The following MAIP1 variants were observed in gnomAD, a reference collection of about 807,000 sequenced individuals.
MAIP1 encodes the protein m-AAA protease-interacting protein 1, mitochondrial.
Under a neutral mutation model 31.2 loss-of-function variants are expected in MAIP1, and 28 were observed. That is an observed-to-expected ratio of 0.90 (90% CI 0.67 to 1.23). MAIP1 has a LOEUF of 1.23. Ranked by LOEUF, MAIP1 falls within the 50% of genes most tolerant of loss-of-function variation. MAIP1 has a pLI of 0.00. For synonymous variants in MAIP1, 142 were observed against 142.3 expected, an observed-to-expected ratio of 1.00 and a Z score of 0.02; for missense variants, 339 against 356.0, an observed-to-expected ratio of 0.95 and a Z score of 0.38.
chr2:199,955,515 C>CT, upstream of MAIP1: 1 of 1,599,878 alleles, frequency 6.3e-7, no homozygotes, highest in Non-Finnish European at 8.5e-7. Flanking sequence ...AACTTCGGCT[C>CT]TAAAGCGTTC....
chr2:199,956,801 CTCCG>C (rs2077608366), intron 1 of MAIP1, among the ~76,000 whole-genome samples: 1 of 152,196 alleles, frequency 6.6e-6, no homozygotes, highest in Non-Finnish European at 1.5e-5. Context: ...CCACCCCATA[CTCCG>C]TAAAGATTAA....
chr2:199,963,879 G>C lies in MAIP1; in HGVS notation c.*68G>C, dbSNP rs564656074. 2.3e-5 allele frequency: 21 copies of C among 910,090 alleles called. No homozygotes were observed. In the African/African-American group the frequency reaches 3.3e-4, roughly 14 times the overall value. 56.4% of individuals were successfully genotyped at this position (910,090 alleles called of 1,614,324 possible). A position where few individuals can be genotyped will look rare whatever the true frequency, so the allele number is the denominator to read the frequency against. On this transcript the variant is annotated 3_prime_UTR_variant, in exon 5 of 5. Coordinates refer to ENST00000392290, the MANE Select transcript of MAIP1 (RefSeq NM_001394955.1). ...GAAAAACTAAGGAAGAAAAATTTTG[G>C]GGTCATTTGATCTTCACTTAATCTA...
Position 199,961,823 on chromosome 2 carries a change from C to T in MAIP1, c.692C>T (p.Thr231Ile), listed in dbSNP as rs776329944. Reference protein sequence around the residue: ...VNILMCFWYLTSANIPSETLR... With the variant: ...VNILMCFWYLISANIPSETLR... ...ATCCTGATGTGCTTTTGGTATCTAA[C>T]CAGTGCCAACATCCCCAGTGAAACT... Residue 231 changes from threonine to isoleucine, a missense_variant, in exon 4 of 5, where the codon ACC becomes ATC. Physicochemically the swap from Thr to Ile is moderately conservative, Grantham distance 89. Coordinates refer to ENST00000392290, the MANE Select transcript of MAIP1 (RefSeq NM_001394955.1). 8.1e-6 allele frequency: 13 copies of T among 1,613,730 alleles called. No individual in the cohort carries two copies. The highest frequency in any genetic ancestry group is 1.7e-6 in the Non-Finnish European group (2 of 1,179,834).
intron 3 of MAIP1, among the ~76,000 whole-genome samples, chr2:199,961,089 T>C (rs2077634164): frequency 6.6e-6 from 1 of 152,196 alleles, no homozygotes; most frequent in African/African-American, 2.4e-5. Flanking sequence ...GTTAAGATAG[T>C]TACTGAGCAG....
At chr2:199,959,391 T>A (rs1559312345) in intron 2 of MAIP1, 52 bp downstream of exon 2, 1 of 972,880 alleles carries the variant, frequency 1.0e-6, no homozygotes, top group Non-Finnish European at 1.7e-6. Context: ...TCTCTTGCAA[T>A]AGAATGATGC....
In MAIP1 at chr2:199,960,780, C is replaced by T. The variant is rs116904529; in HGVS notation, c.649+900C>T. On this transcript the variant is annotated intron_variant, in intron 3 of 4. Coordinates refer to ENST00000392290, the MANE Select transcript of MAIP1 (RefSeq NM_001394955.1). Reference sequence around the variant, plus strand: ...ATCCTCCGTGGATTTTGAGGGATGACTCTATTTGCATATGTATTATGTGCC... The same window carrying T: ...ATCCTCCGTGGATTTTGAGGGATGATTCTATTTGCATATGTATTATGTGCC... Among the ~76,000 whole-genome samples the T allele has an allele frequency of 9.6e-4, 146 of 152,244 alleles. 2 individuals are homozygous for T. In the East Asian group the frequency reaches 0.025, roughly 26 times the overall value.
At chr2:199,959,407 T>C in intron 2 of MAIP1, 68 bp downstream of exon 2, 1 of 910,330 alleles carries the variant, frequency 1.1e-6, no homozygotes, top group South Asian at 1.3e-5. Context: ...GATGCACATT[T>C]TCCTTATTTA....
chr2:199,956,290 T>C, intron 1 of MAIP1, 42 bp downstream of exon 1: 1 of 1,469,636 alleles, frequency 6.8e-7, no homozygotes, highest in Admixed American at 1.8e-5. Context: ...CTCTAATGAG[T>C]TCAACTATTG....
rs934364408 is a variant in MAIP1, at chr2:199,955,678, G to C, written c.-121G>C. 2 of 1,166,760 alleles carry C rather than the reference G, an allele frequency of 1.7e-6. No homozygotes were observed. Among genetic ancestry groups the C allele is most frequent in the Non-Finnish European group, 1.2e-6 (1 of 844,602 alleles). 72.3% of individuals were successfully genotyped at this position (1,166,760 alleles called of 1,614,324 possible). A position where few individuals can be genotyped will look rare whatever the true frequency, so the allele number is the denominator to read the frequency against. ...GAGCGGGGACGGGGCCGACTCACCA[G>C]AGGCTGCAGCAACAGGTCCACTTTG... On this transcript the variant is annotated 5_prime_UTR_variant, in exon 1 of 5. Transcript: ENST00000392290.
Position 199,955,781 on chromosome 2 carries a change from GT to G in MAIP1, c.-17del. On this transcript the variant is annotated 5_prime_UTR_variant, in exon 1 of 5. Transcript: ENST00000392290. ...TTCCATACAGCACCGGCAGGCACCG[GT>G]GTGAAGGGTCATAAAAATGGCGCTG... 6.6e-7 allele frequency: 1 copy of G among 1,514,140 alleles called. No homozygotes were observed. Among genetic ancestry groups the G allele is most frequent in the Non-Finnish European group, 8.8e-7 (1 of 1,133,260 alleles). The allele number at this position is 1,514,140 out of a possible 1,614,324, so 93.8% of individuals were successfully genotyped here. A position where few individuals can be genotyped will look rare whatever the true frequency, so the allele number is the denominator to read the frequency against.
At chr2:199,955,485 G>C (rs1195533335), upstream of MAIP1, 1 of 1,612,842 alleles carries the variant, frequency 6.2e-7, no homozygotes, top group African/African-American at 1.3e-5. Flanking sequence ...GCTCACGCCT[G>C]CCCTCTTCCA....
In MAIP1 at chr2:199,963,784, G is replaced by T. The variant is rs750140964; in HGVS notation, c.849G>T (p.Arg283=). 2.0e-5 allele frequency: 32 copies of T among 1,608,020 alleles called. No individual in the cohort carries two copies. In the East Asian group the frequency reaches 7.1e-4, roughly 36 times the overall value. ...TAAAGCCTGACTGGACCATTGCACGGATTGAACACTCAAAATTATTAGAAT... is the reference window on the plus strand; with the variant it reads ...TAAAGCCTGACTGGACCATTGCACGTATTGAACACTCAAAATTATTAGAAT... ...QGVKPDWTIA[R]IEHSKLLE Residue 283 remains arginine (R), a synonymous_variant, in exon 5 of 5, where the codon CGG becomes CGT. Transcript: ENST00000392290.
intron 2 of MAIP1, 38 bp from the exon 3 acceptor site, chr2:199,959,716 G>T (rs2077626121): frequency 7.0e-6 from 11 of 1,561,878 alleles, no homozygotes; most frequent in African/African-American, 1.4e-5. Context: ...TTCAAAAATT[G>T]TATCAGTGAA....
In MAIP1 at chr2:199,956,109, A is replaced by C. The variant is rs769081538; in HGVS notation, c.311A>C (p.Gln104Pro). The C allele has an allele frequency of 2.5e-6, 4 of 1,614,236 alleles. No homozygotes were observed. In the African/African-American group the frequency reaches 5.3e-5, roughly 22 times the overall value. The stretch of plus-strand genomic sequence containing the variant: ...TACAGCACGGAGGAGAAGCCCCAGC[A>C]GCACCAGAAAACCAAGATGATCGTC... ...RSYSTEEKPQ[Q>P]HQKTKMIVLG... is the part of the protein sequence containing the mutation. Residue 104 changes from glutamine (Q) to proline (P), a missense_variant, in exon 1 of 5, where the codon CAG (glutamine) becomes CCG (proline). By Grantham distance (76) the Gln-to-Pro change is moderately conservative. Transcript: ENST00000392290.
chr2:199,955,832 C>A lies in MAIP1; in HGVS notation c.34C>A (p.Leu12Met). The A allele has an allele frequency of 6.6e-7, 1 of 1,521,156 alleles. No individual in the cohort carries two copies. Among genetic ancestry groups the A allele is most frequent in the Non-Finnish European group, 8.8e-7 (1 of 1,137,066 alleles). The allele number at this position is 1,521,156 out of a possible 1,614,324, so 94.2% of individuals were successfully genotyped here. A position where few individuals can be genotyped will look rare whatever the true frequency, so the allele number is the denominator to read the frequency against. Residue 12 changes from leucine (L) to methionine (M), a missense_variant, in exon 1 of 5, where the codon CTG becomes ATG. Leu to Met is a conservative substitution (Grantham distance 15). Coordinates refer to ENST00000392290, the MANE Select transcript of MAIP1 (RefSeq NM_001394955.1). Reference sequence around the variant, plus strand: ...GGCCGCTCGTTTGCTACCCCAGTTCCTGCACTCTCGGTCGCTGCCCTGCGG... The same window carrying A: ...GGCCGCTCGTTTGCTACCCCAGTTCATGCACTCTCGGTCGCTGCCCTGCGG... ...ALAARLLPQF[L>M]HSRSLPCGAV... is the part of the protein sequence containing the mutation.
intron 4 of MAIP1, among the ~76,000 whole-genome samples, chr2:199,962,570 G>A (rs1177069433): frequency 6.6e-6 from 1 of 152,190 alleles, no homozygotes; most frequent in Non-Finnish European, 1.5e-5. Context: ...TTTAAAGGGT[G>A]TAGAAAGACT....
At chr2:199,961,413 G>A (rs567305555) in intron 3 of MAIP1, among the ~76,000 whole-genome samples, 6 of 152,222 alleles carry the variant, frequency 3.9e-5, no homozygotes, top group African/African-American at 7.2e-5. Context: ...GCAGTGAGCC[G>A]ATACTGCGCC....
rs72928266 is a variant in MAIP1, at chr2:199,962,078, G to A, written c.797+150G>A. 1,115 of 671,764 alleles carry A rather than the reference G, an allele frequency of 1.7e-3. 3 individuals carry two copies. The highest frequency in any genetic ancestry group is 3.7e-3 in the Middle Eastern group (9 of 2,430). The allele number at this position is 671,764 out of a possible 1,614,324, so 41.6% of individuals were successfully genotyped here. ...AAGGTCAGAAAGACACACTGGATAT[G>A]AAACAGGAGAGTTAAGAAATTAGAA... On this transcript the variant is annotated intron_variant, in intron 4 of 4. Coordinates refer to ENST00000392290, the MANE Select transcript of MAIP1 (RefSeq NM_001394955.1).
chr2:199,958,002 C>A (rs564390848), intron 1 of MAIP1, among the ~76,000 whole-genome samples: 1 of 152,320 alleles, frequency 6.6e-6, no homozygotes, highest in East Asian at 1.9e-4. Context: ...TCACTCCAGT[C>A]CTAGTGGTCC....
Sources: gnomAD v4.1 joint callset for allele counts (sites outside exome capture counted in the v4.1 genomes callset) on GRCh38, gnomAD v4.1.1 for gene constraint, MANE v1.5 for transcripts, NCBI Gene and HGNC (gene_info 2026-07-23, HGNC 2026-07-21) for gene names.